The following SOBP variants were observed in gnomAD, a reference collection of about 807,000 sequenced individuals.
The protein encoded by SOBP is sine oculis-binding protein homolog.
A neutral mutation model predicts 53.6 loss-of-function variants in SOBP; 4 were observed. The ratio of observed to expected loss-of-function variants is 0.07; its 90% CI spans 0.04 to 0.17. SOBP has a LOEUF of 0.17. Among genes scored for constraint, SOBP ranks in the 10% least tolerant of loss-of-function variants. The pLI, the probability that SOBP is intolerant of heterozygous loss-of-function variation, is 1.00. For missense variants in SOBP, 1,088 were observed against 1,204.7 expected, an observed-to-expected ratio of 0.90 and a Z score of 1.43; for synonymous variants, 584 against 522.6, an observed-to-expected ratio of 1.12 and a Z score of -1.60.
intron 6 of SOBP, among the ~76,000 whole-genome samples, chr6:107,644,101 A>G (rs1189835988): frequency 1.3e-5 from 2 of 152,152 alleles, no homozygotes; most frequent in African/African-American, 4.8e-5. Flanking sequence ...TCAGGAGTTC[A>G]AGACCAGCCT....
chr6:107,645,981 C>A (rs1184961600), intron 6 of SOBP, among the ~76,000 whole-genome samples: 1 of 152,192 alleles, frequency 6.6e-6, no homozygotes, highest in Non-Finnish European at 1.5e-5. Context: ...GGTGGTAGAA[C>A]AGGAGTTTGG....
chr6:107,544,470 T>C (rs1458821038), intron 4 of SOBP, among the ~76,000 whole-genome samples: 2 of 152,216 alleles, frequency 1.3e-5, no homozygotes, highest in African/African-American at 4.8e-5. Flanking sequence ...TGTGAAGTCG[T>C]CACTGTGGCA....
intron 4 of SOBP, among the ~76,000 whole-genome samples, chr6:107,573,855 G>A (rs1785147517): frequency 6.6e-6 from 1 of 152,196 alleles, no homozygotes; most frequent in African/African-American, 2.4e-5. Context: ...TCCAGATTGT[G>A]TATGAATAGA....
intron 3 of SOBP, among the ~76,000 whole-genome samples, chr6:107,512,430 T>C (rs143011903): frequency 6.6e-6 from 1 of 152,374 alleles, no homozygotes; most frequent in East Asian, 1.9e-4. Flanking sequence ...CTGGTTTTAA[T>C]TGAGCTTTAA....
chr6:107,641,505 A>G (rs898012177), intron 6 of SOBP, among the ~76,000 whole-genome samples: 1 of 152,208 alleles, frequency 6.6e-6, no homozygotes, highest in Non-Finnish European at 1.5e-5. Flanking sequence ...AGAGTCAGAG[A>G]GGTGGACAGG....
chr6:107,508,131 A>G (rs1783050147), intron 3 of SOBP, among the ~76,000 whole-genome samples: 1 of 152,140 alleles, frequency 6.6e-6, no homozygotes, highest in African/African-American at 2.4e-5. Context: ...ATTAGGGAAG[A>G]TAGGTATTTG....
Position 107,586,944 on chromosome 6 carries a change from G to A in SOBP, c.574-136G>A, listed in dbSNP as rs1016766837. Reference sequence around the variant, plus strand: ...TTTTGATACCTAAAAGGCGTACTGCGTATTTAAACAAACTTCTTAATATTG... The same window carrying A: ...TTTTGATACCTAAAAGGCGTACTGCATATTTAAACAAACTTCTTAATATTG... On this transcript the variant is annotated intron_variant, in intron 4 of 6. Transcript: ENST00000317357. 1.1e-4 allele frequency: 81 copies of A among 759,348 alleles called. No individual in the cohort carries two copies. The Admixed American group carries it at 1.1e-3, about 11-fold the overall frequency. The allele number at this position is 759,348 out of a possible 1,614,324, so 47.0% of individuals were successfully genotyped here.
intron 4 of SOBP, among the ~76,000 whole-genome samples, chr6:107,548,314 C>T (rs1370967523): frequency 1.3e-5 from 2 of 150,160 alleles, no homozygotes; most frequent in African/African-American, 4.9e-5. Flanking sequence ...AGTGCAGTGG[C>T]GTGATCTTGG....
intron 4 of SOBP, among the ~76,000 whole-genome samples, chr6:107,576,086 C>T (rs1452239870): frequency 6.6e-6 from 1 of 152,066 alleles, no homozygotes; most frequent in East Asian, 1.9e-4. Context: ...TATTTTTCTT[C>T]CTTAAGTCTG....
intron 4 of SOBP, among the ~76,000 whole-genome samples, chr6:107,566,166 G>A (rs940525278): frequency 7.2e-5 from 11 of 152,218 alleles, no homozygotes; most frequent in Non-Finnish European, 1.2e-4. Context: ...CGTACATTTA[G>A]TGGTGATTTC....
chr6:107,538,621 C>T (rs1035315155), intron 4 of SOBP, among the ~76,000 whole-genome samples: 1 of 152,120 alleles, frequency 6.6e-6, no homozygotes, highest in African/African-American at 2.4e-5. Flanking sequence ...TGCAGTGTTC[C>T]TTAGTACTGT....
At chr6:107,590,314 G>C (rs1785702098) in intron 5 of SOBP, among the ~76,000 whole-genome samples, 2 of 152,174 alleles carry the variant, frequency 1.3e-5, no homozygotes, top group African/African-American at 4.8e-5. Context: ...TTTTGAGAAG[G>C]AACTGAAGAC....
At chr6:107,535,887 G>A (rs1217429886) in intron 4 of SOBP, among the ~76,000 whole-genome samples, 1 of 151,910 alleles carries the variant, frequency 6.6e-6, no homozygotes, top group Non-Finnish European at 1.5e-5. Flanking sequence ...TAAGCCCCTG[G>A]GTGTTCCGTA....
At chr6:107,533,012 A>C (rs1242150171) in intron 3 of SOBP, among the ~76,000 whole-genome samples, 1 of 152,156 alleles carries the variant, frequency 6.6e-6, no homozygotes, top group Non-Finnish European at 1.5e-5. Context: ...GCGTCTGGTC[A>C]AGGTTCACAT....
intron 3 of SOBP, among the ~76,000 whole-genome samples, chr6:107,519,236 G>A (rs545695844): frequency 6.7e-6 from 1 of 148,354 alleles, no homozygotes; most frequent in Non-Finnish European, 1.5e-5. Context: ...ATTTTTGATT[G>A]TCACAGCTAG....
At chr6:107,619,377 A>C (rs1304593215) in intron 5 of SOBP, among the ~76,000 whole-genome samples, 2 of 152,178 alleles carry the variant, frequency 1.3e-5, no homozygotes, top group African/African-American at 2.4e-5. Flanking sequence ...GGATGAATGA[A>C]GTTTAAGTAT....
At chr6:107,612,342 G>A (rs1332083452) in intron 5 of SOBP, among the ~76,000 whole-genome samples, 7 of 152,182 alleles carry the variant, frequency 4.6e-5, no homozygotes, top group Admixed American at 1.3e-4. Context: ...CCAGCTTGTT[G>A]ACCTTGCTAT....
intron 4 of SOBP, among the ~76,000 whole-genome samples, chr6:107,576,938 TGTTA>T (rs1467642467): frequency 7.9e-5 from 12 of 152,224 alleles, no homozygotes; most frequent in Admixed American, 2.6e-4. Flanking sequence ...TAAGTATTGC[TGTTA>T]GTTGAGAATT....
intron 5 of SOBP, among the ~76,000 whole-genome samples, chr6:107,628,395 T>C (rs1402811950): frequency 6.6e-6 from 1 of 152,132 alleles, no homozygotes; most frequent in Non-Finnish European, 1.5e-5. Flanking sequence ...GGCTGGTATC[T>C]GTGAGGTGTA....
Sources: gnomAD v4.1 joint callset for allele counts (sites outside exome capture counted in the v4.1 genomes callset) on GRCh38, gnomAD v4.1.1 for gene constraint, MANE v1.5 for transcripts, NCBI Gene and HGNC (gene_info 2026-07-23, HGNC 2026-07-21) for gene names.